RPL7A: variants seen among roughly 807,000 people sequenced by gnomAD.
RPL7A encodes the protein ribosomal protein L7a, also known as large ribosomal subunit protein eL8.
For missense variants in RPL7A, 291 were observed against 338.2 expected, an observed-to-expected ratio of 0.86 and a Z score of 1.09; for synonymous variants, 158 against 128.2, an observed-to-expected ratio of 1.23 and a Z score of -1.57.
intron 4 of RPL7A, 81 bp downstream of exon 4, chr9:133,350,133 G>A (rs2129991562): frequency 1.2e-6 from 2 of 1,613,472 alleles, no homozygotes; most frequent in African/African-American, 1.3e-5. Context: ...AAATTACTGT[G>A]AAGAGTAAAA....
chr9:133,348,614 G>T (rs1588683349), intron 1 of RPL7A: 4 of 620,934 alleles, frequency 6.4e-6, no homozygotes, highest in East Asian at 5.8e-5. Context: ...TGCTTCTAGA[G>T]CCTGTGGGGC....
intron 1 of RPL7A, chr9:133,348,530 C>T: frequency 5.0e-6 from 3 of 601,308 alleles, no homozygotes; most frequent in South Asian, 2.0e-5. Flanking sequence ...GGGCTCGGAG[C>T]CCTAGCGTCT....
chr9:133,351,136 C>A, intron 7 of RPL7A, 65 bp downstream of exon 7: 2 of 1,576,334 alleles, frequency 1.3e-6, no homozygotes, highest in Middle Eastern at 1.7e-4. Flanking sequence ...AACTGGCTGG[C>A]TTAACCTATG....
chr9:133,350,574 C>T (rs1404397879), intron 5 of RPL7A, 23 bp from the exon 6 acceptor site: 1 of 1,614,136 alleles, frequency 6.2e-7, no homozygotes. Context: ...AAAATACAGT[C>T]TTCAGCTAAT....
Position 133,351,063 on chromosome 9 carries a change from T to C in RPL7A, c.688T>C (p.Tyr230His). ...EAIRTNYNDR[Y>H]DEIRRHWGGN... ...TATCAGGACCAATTACAATGACAGATACGATGAGGTAAGAGGCAGCTTTAC... is the reference window on the plus strand; with the variant it reads ...TATCAGGACCAATTACAATGACAGACACGATGAGGTAAGAGGCAGCTTTAC... Residue 230 changes from tyrosine to histidine, a missense_variant, in exon 7 of 8, where the codon TAC (tyrosine) becomes CAC (histidine). Tyr to His is a moderately conservative substitution (Grantham distance 83, BLOSUM62 2). Transcript: ENST00000323345. 1 of 1,613,958 alleles carries C rather than the reference T, an allele frequency of 6.2e-7. No homozygotes were observed. Among genetic ancestry groups the C allele is most frequent in the Non-Finnish European group, 8.5e-7 (1 of 1,179,950 alleles).
chr9:133,348,790 C>T (rs2129980968), intron 1 of RPL7A, 132 bp from the exon 2 acceptor site: 9 of 1,401,946 alleles, frequency 6.4e-6, no homozygotes, highest in South Asian at 4.7e-5. Flanking sequence ...TGGGGGGTTG[C>T]AGAAAGCTGC....
At chr9:133,348,389 G>A (rs2129978291) in intron 1 of RPL7A, 143 bp downstream of exon 1, 1 of 1,177,118 alleles carries the variant, frequency 8.5e-7, no homozygotes, top group African/African-American at 1.5e-5. Context: ...AGACACCGAG[G>A]TGGATTAGAG....
intron 1 of RPL7A, 71 bp from the exon 2 acceptor site, chr9:133,348,851 G>A (rs1020199601): frequency 6.2e-7 from 1 of 1,611,930 alleles, no homozygotes. Flanking sequence ...TTTTGGAGGA[G>A]CCAGCCTGAG....
chr9:133,350,903 T>G (rs1188272740), intron 6 of RPL7A, 99 bp from the exon 7 acceptor site: 1 of 1,499,496 alleles, frequency 6.7e-7, no homozygotes. Context: ...CAGCATTGCA[T>G]CTGAGGCAAA....
At position 133,348,918 on chromosome 9, in the gene RPL7A, C is replaced by T. The variant is rs2129982084; in HGVS notation, c.4-4C>T. ...GGTTTAACTGACGTTTTCTTTCTGCCCAGCCGAAAGGAAAGAAGGCCAAGG... is the reference window on the plus strand; with the variant it reads ...GGTTTAACTGACGTTTTCTTTCTGCTCAGCCGAAAGGAAAGAAGGCCAAGG... On this transcript the variant is annotated splice_polypyrimidine_tract_variant and splice_region_variant and intron_variant, in intron 1 of 7. Coordinates refer to ENST00000323345, the MANE Select transcript of RPL7A (RefSeq NM_000972.3). 1.9e-6 allele frequency: 3 copies of T among 1,613,762 alleles called. No homozygotes were observed. In the Admixed American group the frequency reaches 5.0e-5, roughly 27 times the overall value.
intron 6 of RPL7A, 76 bp from the exon 7 acceptor site, chr9:133,350,926 G>A: frequency 6.5e-7 from 1 of 1,544,790 alleles, no homozygotes; most frequent in Non-Finnish European, 8.9e-7. Context: ...ACTGTCTTGA[G>A]CTAAAAGGTA....
Position 133,348,999 on chromosome 9 carries a change from G to A in RPL7A, c.81G>A (p.Val27=), listed in dbSNP as rs2129982732. The change falls in exon 2 of 8, where the codon GTG becomes GTA. Residue 27 remains valine (V), a synonymous_variant. Transcript: ENST00000323345. ...AVVKKQEAKK[V]VNPLFEKRPK... ...TGAAGAAGCAGGAGGCTAAGAAAGT[G>A]GTGAATCCCCTGTTTGAGAAAAGGC... 1 of 1,613,906 alleles carries A rather than the reference G, an allele frequency of 6.2e-7. No homozygotes were observed. The highest frequency in any genetic ancestry group is 1.3e-5 in the African/African-American group (1 of 74,918).
In RPL7A at chr9:133,350,089, G is replaced by A. The variant is rs2129991219; in HGVS notation, c.415+37G>A. The A allele has an allele frequency of 1.8e-5, 29 of 1,613,758 alleles. No homozygotes were observed. The African/African-American group carries it at 2.5e-4, about 14-fold the overall frequency. ...CCACCTTAGGGTGAACACTGGGGGC[G>A]GGCTGTTGCAGTGATGTAAAATTTC... On this transcript the variant is annotated intron_variant, in intron 4 of 7. Transcript: ENST00000323345.
intron 2 of RPL7A, chr9:133,349,285 T>C (rs1836311781): frequency 1.3e-6 from 1 of 758,090 alleles, no homozygotes; most frequent in Non-Finnish European, 2.3e-6. Flanking sequence ...ACAAGTACAG[T>C]AGCAGTGTCG....
chr9:133,348,714 C>A, intron 1 of RPL7A: 1 of 795,764 alleles, frequency 1.3e-6, no homozygotes, highest in Non-Finnish European at 2.2e-6. Flanking sequence ...GCTCTGGCCA[C>A]TCGGGGTTCC....
chr9:133,349,389 G>GTT (rs2129985495), intron 2 of RPL7A, 162 bp from the exon 3 acceptor site: 8 of 976,824 alleles, frequency 8.2e-6, no homozygotes, highest in Non-Finnish European at 1.2e-5. Context: ...GTTCTCAGGT[G>GTT]TTTGTGTGCA....
chr9:133,351,100 G>C (rs1464350338), intron 7 of RPL7A, 29 bp downstream of exon 7: 1 of 1,605,378 alleles, frequency 6.2e-7, no homozygotes, highest in African/African-American at 1.3e-5. Context: ...CCAAAATACT[G>C]TCATTCACAA....
In RPL7A at chr9:133,350,779, C is replaced by T. The variant is rs2129996091; in HGVS notation, c.626+52C>T. 3 of 1,605,976 alleles carry T rather than the reference C, an allele frequency of 1.9e-6. No homozygotes were observed. In the East Asian group the frequency reaches 6.7e-5, roughly 36 times the overall value. ...TCCCCCCAGTTCATTTAATCCATGC[C>T]TCACAGTTGTTTCCTTTTGCCTTAA... On this transcript the variant is annotated intron_variant, in intron 6 of 7. Transcript: ENST00000323345.
intron 1 of RPL7A, 31 bp downstream of exon 1, chr9:133,348,277 G>A (rs1471296355): frequency 6.2e-7 from 1 of 1,613,942 alleles, no homozygotes; most frequent in East Asian, 2.2e-5. Context: ...TGGCACTATA[G>A]CCAGGTTCCG....
Sources: allele counts gnomAD v4.1 joint callset, GRCh38; gene constraint gnomAD v4.1.1; transcripts MANE v1.5; gene names NCBI Gene and HGNC (gene_info 2026-07-23, HGNC 2026-07-21).